OR2F1: variants seen among roughly 807,000 people sequenced by gnomAD.
OR2F1 encodes the protein olfactory receptor 2F1.
For synonymous variants in OR2F1, 146 were observed against 155.3 expected (o/e 0.94, Z 0.44); for missense variants, 389 against 378.2 (o/e 1.03, Z -0.24).
Position 143,960,326 on chromosome 7 carries a change from C to T in OR2F1, c.356C>T (p.Ala119Val), listed in dbSNP as rs1246613648. 2.5e-6 allele frequency: 4 copies of T among 1,614,168 alleles called. No individual in the cohort carries two copies. Among genetic ancestry groups the T allele is most frequent in the East Asian group, 2.2e-5 (1 of 44,884 alleles). ...GIEFVLLAVM[A>V]YDRYVAVCDA... ...GAGTTTGTTCTCCTGGCGGTGATGG[C>T]CTATGACCGCTATGTGGCTGTGTGT... is the stretch of plus-strand genomic sequence containing the variant. Residue 119 changes from alanine to valine, a missense_variant, in exon 3 of 3, where the codon GCC (alanine) becomes GTC (valine). Physicochemically the swap from Ala to Val is moderately conservative, Grantham distance 64 (BLOSUM62 0). Transcript: ENST00000641412.
At chr7:143,957,343 A>G (rs114228384) in intron 1 of OR2F1, among the ~76,000 whole-genome samples, 9 of 152,334 alleles carry the variant, frequency 5.9e-5, no homozygotes, top group Admixed American at 2.0e-4. Flanking sequence ...AATAGGTAAC[A>G]TTGTTAAAAG....
In OR2F1 at chr7:143,961,119, G is replaced by A; in HGVS notation, c.*195G>A. On this transcript the variant is annotated 3_prime_UTR_variant, in exon 3 of 3. Coordinates refer to ENST00000641412, the MANE Select transcript of OR2F1 (RefSeq NM_012369.3). ...TGGGGTTATATTTATGAACAGTGGAGTTAGATACTGCTGTTATAAAACCTC... is the reference window on the plus strand; with the variant it reads ...TGGGGTTATATTTATGAACAGTGGAATTAGATACTGCTGTTATAAAACCTC... 3.7e-6 allele frequency: 2 copies of A among 547,436 alleles called. No homozygotes were observed. The highest frequency in any genetic ancestry group is 3.3e-6 in the Non-Finnish European group (1 of 302,728). 33.9% of individuals were successfully genotyped at this position (547,436 alleles called of 1,614,324 possible).
intron 1 of OR2F1, among the ~76,000 whole-genome samples, chr7:143,958,458 T>C (rs2050300614): frequency 6.6e-6 from 1 of 152,034 alleles, no homozygotes; most frequent in African/African-American, 2.4e-5. Context: ...TTAGAAAAAA[T>C]GGTTGTGAAC....
At chr7:143,955,436 T>G (rs950629255) in intron 1 of OR2F1, among the ~76,000 whole-genome samples, 2 of 152,208 alleles carry the variant, frequency 1.3e-5, no homozygotes, top group Non-Finnish European at 2.9e-5. Flanking sequence ...CATTTAGCAT[T>G]ATTGCATTTT....
chr7:143,960,801 T>C lies in OR2F1; in HGVS notation c.831T>C (p.Phe277=), dbSNP rs939491083. ...SVLQEKLFSV[F]YAILTPMLNP... ...TTCAGGAGAAGTTGTTCTCTGTCTTTTATGCCATTTTAACACCAATGCTGA... is the reference window on the plus strand; with the variant it reads ...TTCAGGAGAAGTTGTTCTCTGTCTTCTATGCCATTTTAACACCAATGCTGA... The change falls in exon 3 of 3, where the codon TTT becomes TTC. Residue 277 remains phenylalanine (F), a synonymous_variant. Transcript: ENST00000641412. 6.2e-7 allele frequency: 1 copy of C among 1,614,176 alleles called. No homozygotes were observed. The highest frequency in any genetic ancestry group is 8.5e-7 in the Non-Finnish European group (1 of 1,180,022).
intron 1 of OR2F1, among the ~76,000 whole-genome samples, chr7:143,958,692 G>A (rs777780626): frequency 1.3e-5 from 2 of 150,936 alleles, no homozygotes; most frequent in Non-Finnish European, 2.9e-5. Context: ...GGAATAAGAA[G>A]GAATTGGTTC....
chr7:143,960,686 A>C lies in OR2F1; in HGVS notation c.716A>C (p.His239Pro). 1 of 1,613,890 alleles carries C rather than the reference A, an allele frequency of 6.2e-7. No individual in the cohort carries two copies. Among genetic ancestry groups the C allele is most frequent in the South Asian group, 1.1e-5 (1 of 91,070 alleles). ...QSREGRKKAF[H>P]TCASHLTVVA... is the part of the protein sequence containing the mutation. ...AGAGAAGGAAGAAAGAAAGCTTTCC[A>C]CACGTGTGCCTCTCACCTCACAGTG... is the stretch of plus-strand genomic sequence containing the variant. The change falls in exon 3 of 3, where the codon CAC becomes CCC. Residue 239 changes from histidine to proline, a missense_variant. Physicochemically the swap from His to Pro is moderately conservative, Grantham distance 77. Coordinates refer to ENST00000641412, the MANE Select transcript of OR2F1 (RefSeq NM_012369.3).
intron 1 of OR2F1, among the ~76,000 whole-genome samples, chr7:143,958,581 T>C: frequency 6.6e-6 from 1 of 152,196 alleles, no homozygotes; most frequent in East Asian, 1.9e-4. Flanking sequence ...CTAGTCTGTC[T>C]GGACCTGTTT....
Position 143,961,181 on chromosome 7 carries a change from ATCGTTG to A in OR2F1, c.*258_*263del. The A allele has an allele frequency of 2.4e-6, 1 of 424,076 alleles. No individual in the cohort carries two copies. The highest frequency in any genetic ancestry group is 4.3e-6 in the Non-Finnish European group (1 of 232,288). 26.3% of individuals were successfully genotyped at this position (424,076 alleles called of 1,614,324 possible). A position where few individuals can be genotyped will look rare whatever the true frequency, so the allele number is the denominator to read the frequency against. On this transcript the variant is annotated 3_prime_UTR_variant, in exon 3 of 3. Transcript: ENST00000641412. Reference sequence around the variant, plus strand: ...CCACCTCCACTCTTACAGCCTGACAATCGTTGAAAAAAAATTACTACTTACTGTTTT... The same window carrying A: ...CCACCTCCACTCTTACAGCCTGACAAAAAAAAAATTACTACTTACTGTTTT...
chr7:143,957,386 C>A (rs1243016901), intron 1 of OR2F1, among the ~76,000 whole-genome samples: 6 of 152,126 alleles, frequency 3.9e-5, no homozygotes, highest in Non-Finnish European at 7.4e-5. Context: ...ATAAAAATAT[C>A]TCTGGAACTG....
intron 2 of OR2F1, 91 bp from the exon 3 acceptor site, chr7:143,959,857 C>A: frequency 1.2e-6 from 1 of 805,414 alleles, no homozygotes; most frequent in Non-Finnish European, 2.0e-6. Flanking sequence ...AAATACCTGC[C>A]TAGGGCTGGC....
chr7:143,958,361 G>C (rs1483844997), intron 1 of OR2F1, among the ~76,000 whole-genome samples: 1 of 152,186 alleles, frequency 6.6e-6, no homozygotes, highest in Non-Finnish European at 1.5e-5. Flanking sequence ...AAAGCACCCT[G>C]AGGGGTGCTG....
chr7:143,957,549 G>A (rs183127450), intron 1 of OR2F1, among the ~76,000 whole-genome samples: 99 of 152,220 alleles, frequency 6.5e-4, no homozygotes, highest in Admixed American at 1.4e-3. Flanking sequence ...TATTTAGAAT[G>A]CTATATACAC....
At position 143,961,294 on chromosome 7, in the gene OR2F1, A is replaced by G. The variant is rs2050328637; in HGVS notation, c.*370A>G. ...TGGTACTTACACATCCACATTTTAT[A>G]AAAGGTTATGGGGCTTCCATTGAAA... On this transcript the variant is annotated 3_prime_UTR_variant, in exon 3 of 3. Transcript: ENST00000641412. 1 of 188,172 alleles carries G rather than the reference A, an allele frequency of 5.3e-6. No homozygotes were observed. The highest frequency in any genetic ancestry group is 1.1e-5 in the Non-Finnish European group (1 of 89,552). The allele number at this position is 188,172 out of a possible 1,614,324, so 11.7% of individuals were successfully genotyped here. A position where few individuals can be genotyped will look rare whatever the true frequency, so the allele number is the denominator to read the frequency against.
chr7:143,956,135 G>T (rs141681009), intron 1 of OR2F1, among the ~76,000 whole-genome samples: 1 of 152,234 alleles, frequency 6.6e-6, no homozygotes, highest in East Asian at 1.9e-4. Flanking sequence ...AGATTCCACA[G>T]ATTAGAGCAG....
chr7:143,962,462 A>T lies in OR2F1; in HGVS notation c.*1538A>T, dbSNP rs1294598993. ...TAATCTCACATAGTAGGGAGGACAG[A>T]TGATGAAACAATGATAATGCATTGT... is the stretch of plus-strand genomic sequence containing the variant. On this transcript the variant is annotated 3_prime_UTR_variant, in exon 3 of 3. Transcript: ENST00000641412. 3 of 152,240 alleles carry T rather than the reference A, an allele frequency of 2.0e-5. No individual in the cohort carries two copies. The highest frequency in any genetic ancestry group is 7.2e-5 in the African/African-American group (3 of 41,470). 9.4% of individuals were successfully genotyped at this position (152,240 alleles called of 1,614,324 possible).
In OR2F1 at chr7:143,962,822, G is replaced by C. The variant is rs1463787270; in HGVS notation, c.*1898G>C. 1.3e-5 allele frequency: 2 copies of C among 152,258 alleles called. No individual in the cohort carries two copies. The highest frequency in any genetic ancestry group is 2.9e-5 in the Non-Finnish European group (2 of 68,020). 9.4% of individuals were successfully genotyped at this position (152,258 alleles called of 1,614,324 possible). On this transcript the variant is annotated 3_prime_UTR_variant, in exon 3 of 3. Coordinates refer to ENST00000641412, the MANE Select transcript of OR2F1 (RefSeq NM_012369.3). ...AATAGTCCGTCAAAAATTTTTAGAAGGAGTATAGATTGAAAACAATTACAT... is the reference window on the plus strand; with the variant it reads ...AATAGTCCGTCAAAAATTTTTAGAACGAGTATAGATTGAAAACAATTACAT...
rs775239589 is a variant in OR2F1 at position 143,960,717 on chromosome 7, C to T, written c.747C>T (p.Ala249=). ...GTGCCTCTCACCTCACAGTGGTTGCCCTGTGCTATGGTGTGGCCATTTTCA... is the reference window on the plus strand; with the variant it reads ...GTGCCTCTCACCTCACAGTGGTTGCTCTGTGCTATGGTGTGGCCATTTTCA... ...HTCASHLTVV[A]LCYGVAIFTY... is the part of the protein sequence containing the mutation. The change falls in exon 3 of 3, where the codon GCC becomes GCT. Residue 249 remains alanine, a synonymous_variant. Transcript: ENST00000641412. 2.5e-6 allele frequency: 4 copies of T among 1,613,956 alleles called. No individual in the cohort carries two copies. Among genetic ancestry groups the T allele is most frequent in the African/African-American group, 2.7e-5 (2 of 74,898 alleles).
chr7:143,958,705 T>G (rs1189619059), intron 1 of OR2F1, among the ~76,000 whole-genome samples: 1 of 133,840 alleles, frequency 7.5e-6, no homozygotes, highest in Non-Finnish European at 1.5e-5. Context: ...ATTGGTTCTA[T>G]TTTTTTTTTA....
Sources: allele counts gnomAD v4.1 joint callset (sites outside exome capture counted in the v4.1 genomes callset), GRCh38; gene constraint gnomAD v4.1.1; transcripts MANE v1.5; gene names NCBI Gene and HGNC (gene_info 2026-07-23, HGNC 2026-07-21).